The following TBC1D31 variants were observed in gnomAD, a reference collection of about 807,000 sequenced individuals.
TBC1D31 encodes the protein WD repeat domain 67.
A neutral mutation model predicts 132.9 loss-of-function variants in TBC1D31; 99 were observed. The observed-to-expected ratio is 0.74, with a 90% CI of 0.63 to 0.88. The LOEUF is 0.88. TBC1D31 is among the 40% of genes least tolerant of loss of function. The probability of loss-of-function intolerance (pLI) is 0.00; values close to 1 mark genes in which losing one functional copy is unlikely to be tolerated. For synonymous variants in TBC1D31, 385 were observed against 419.4 expected (o/e 0.92, Z 1.00); for missense variants, 1,134 against 1,256.6 (o/e 0.90, Z 1.48).
Position 123,100,993 on chromosome 8 carries a change from CAA to C in TBC1D31, c.1019_1020del (p.Gln340ArgfsTer4). On this transcript the variant is annotated frameshift_variant, in exon 7 of 22. Transcript: ENST00000287380. LOFTEE classifies it high-confidence loss of function. ...LNIYSVQALT[Q>X]EINKPPPPLV... ...CATATATTCAGTTCAGGCTTTAACA[CAA>C]GAAATAAATAAGGTATGTATGATGA... 1 of 1,610,656 alleles carries C rather than the reference CAA, an allele frequency of 6.2e-7. No homozygotes were observed. The highest frequency in any genetic ancestry group is 8.5e-7 in the Non-Finnish European group (1 of 1,177,018).
At chr8:123,079,829 C>T (rs1814950958) in intron 2 of TBC1D31, among the ~76,000 whole-genome samples, 2 of 152,210 alleles carry the variant, frequency 1.3e-5, no homozygotes, top group South Asian at 4.1e-4. Context: ...ATTGTAAGTT[C>T]AGCCCCCATT....
chr8:123,115,297 A>G (rs903523945), intron 10 of TBC1D31, among the ~76,000 whole-genome samples: 1 of 152,246 alleles, frequency 6.6e-6, no homozygotes, highest in African/African-American at 2.4e-5. Flanking sequence ...TGAAAGTACT[A>G]TCCTTAGGAG....
intron 11 of TBC1D31, among the ~76,000 whole-genome samples, chr8:123,121,258 A>G (rs917366063): frequency 6.6e-6 from 1 of 152,128 alleles, no homozygotes; most frequent in Non-Finnish European, 1.5e-5. Flanking sequence ...GGCACCCGAC[A>G]TTTTATCTAT....
At chr8:123,099,940 G>A (rs187797325) in intron 6 of TBC1D31, among the ~76,000 whole-genome samples, 8 of 152,078 alleles carry the variant, frequency 5.3e-5, no homozygotes, top group South Asian at 2.1e-4. Flanking sequence ...AGAGGGAGCC[G>A]AACTCATCCT....
chr8:123,090,390 C>A (rs952493416), intron 4 of TBC1D31, among the ~76,000 whole-genome samples: 12 of 152,014 alleles, frequency 7.9e-5, no homozygotes, highest in African/African-American at 2.7e-4. Context: ...CATTTTTATT[C>A]TTTTGTTGAT....
At chr8:123,126,483 A>G (rs183854434) in intron 12 of TBC1D31, 25 bp from the exon 13 acceptor site, 1 of 1,593,806 alleles carries the variant, frequency 6.3e-7, no homozygotes, top group Non-Finnish European at 8.5e-7. Context: ...TAGAAAAATA[A>G]TAAATTTTTC....
At chr8:123,080,037 A>G (rs1586549149) in intron 2 of TBC1D31, among the ~76,000 whole-genome samples, 1 of 152,200 alleles carries the variant, frequency 6.6e-6, no homozygotes, top group Admixed American at 6.5e-5. Context: ...TAGATTCTCA[A>G]CTGGACCCTT....
intron 13 of TBC1D31, among the ~76,000 whole-genome samples, chr8:123,127,428 G>A (rs1383819711): frequency 6.6e-6 from 1 of 151,496 alleles, no homozygotes; most frequent in East Asian, 1.9e-4. Context: ...CCGCCACCAC[G>A]CCCAGCTAAG....
intron 4 of TBC1D31, among the ~76,000 whole-genome samples, chr8:123,093,312 T>C (rs1334527993): frequency 6.6e-6 from 1 of 152,168 alleles, no homozygotes; most frequent in Non-Finnish European, 1.5e-5. Flanking sequence ...ATTTAACTCT[T>C]TAGTAATATT....
downstream of TBC1D31, among the ~76,000 whole-genome samples, chr8:123,154,267 T>C (rs1047480978): frequency 2.6e-5 from 4 of 152,334 alleles, no homozygotes; most frequent in East Asian, 7.7e-4. Flanking sequence ...GAAAGTTTAA[T>C]GTAAAGACTA....
At chr8:123,139,511 A>G (rs570325095) in intron 17 of TBC1D31, among the ~76,000 whole-genome samples, 1 of 152,276 alleles carries the variant, frequency 6.6e-6, no homozygotes, top group Non-Finnish European at 1.5e-5. Flanking sequence ...TGAACCAGTA[A>G]GCTTCTAGTA....
Position 123,077,249 on chromosome 8 carries a change from T to C in TBC1D31, c.216T>C (p.His72=), listed in dbSNP as rs148678046. 1 of 1,611,318 alleles carries C rather than the reference T, an allele frequency of 6.2e-7. No individual in the cohort carries two copies. The highest frequency in any genetic ancestry group is 8.5e-7 in the Non-Finnish European group (1 of 1,179,222). ...GAAATATTTATGTTTTTGACTTACA[T>C]GGAAACAGGTAAGCAGATACCATTG... ...HQGNIYVFDL[H]GNRFNLVQRT... The change falls in exon 2 of 22, where the codon CAT becomes CAC. Residue 72 remains histidine, a synonymous_variant. Transcript: ENST00000287380.
chr8:123,129,072 A>T lies in TBC1D31; in HGVS notation c.2124A>T (p.Thr708=). The T allele has an allele frequency of 6.3e-7, 1 of 1,583,550 alleles. No homozygotes were observed. The highest frequency in any genetic ancestry group is 8.6e-7 in the Non-Finnish European group (1 of 1,161,626). The stretch of plus-strand genomic sequence containing the variant: ...ATAATATTACCTACTTAAGGCAGAC[A>T]GTTGAAGATATGCAAGCTAAAGTCG... ...DELDYLRERQ[T]VEDMQAKVDQ... is the part of the protein sequence containing the mutation. The change falls in exon 15 of 22, where the codon ACA becomes ACT. Residue 708 remains threonine (T), a synonymous_variant. Coordinates refer to ENST00000287380, the MANE Select transcript of TBC1D31 (RefSeq NM_145647.4).
Position 123,134,179 on chromosome 8 carries a change from C to G in TBC1D31, c.2472C>G (p.Leu824=), listed in dbSNP as rs188711733. Reference sequence around the variant, plus strand: ...ACCTAGAAATGAGACAGCTGGAACTCGAATCACAAAAGAGACTTTATGAGA... The same window carrying G: ...ACCTAGAAATGAGACAGCTGGAACTGGAATCACAAAAGAGACTTTATGAGA... ...ARDLEMRQLE[L]ESQKRLYEKN... Residue 824 remains leucine, a synonymous_variant, in exon 17 of 22, where the codon CTC becomes CTG. Transcript: ENST00000287380. The G allele has an allele frequency of 4.3e-6, 7 of 1,613,676 alleles. No individual in the cohort carries two copies. The highest frequency in any genetic ancestry group is 5.9e-6 in the Non-Finnish European group (7 of 1,179,852).
Position 123,134,119 on chromosome 8 carries a change from T to C in TBC1D31, c.2412T>C (p.Tyr804=), listed in dbSNP as rs1820868263. The C allele has an allele frequency of 2.5e-6, 4 of 1,613,246 alleles. No individual in the cohort carries two copies. The East Asian group carries it at 6.7e-5, about 27-fold the overall frequency. The part of the protein sequence containing the change: ...RLDDEIGRKV[Y]MRDREIAATA... ...AGTTTGTTGTTTGGCCATAGGTATA[T>C]ATGAGAGATCGAGAAATTGCTGCCA... Residue 804 remains tyrosine (Y), a synonymous_variant, in exon 17 of 22, where the codon TAT becomes TAC. Transcript: ENST00000287380.
chr8:123,078,984 G>A (rs1814841585), intron 2 of TBC1D31, among the ~76,000 whole-genome samples: 1 of 152,150 alleles, frequency 6.6e-6, no homozygotes, highest in Admixed American at 6.6e-5. Context: ...CACCTGATAG[G>A]ATGCAGTGAA....
intron 4 of TBC1D31, among the ~76,000 whole-genome samples, chr8:123,091,427 T>C (rs1201195554): frequency 6.6e-6 from 1 of 152,204 alleles, no homozygotes; most frequent in Non-Finnish European, 1.5e-5. Context: ...TTTGAAACAG[T>C]GTTCTAATGC....
chr8:123,125,249 C>T (rs1819921265), intron 11 of TBC1D31, among the ~76,000 whole-genome samples: 4 of 151,952 alleles, frequency 2.6e-5, no homozygotes, highest in Admixed American at 1.3e-4. Flanking sequence ...CAAAACAAAC[C>T]GATGGTCTTA....
intron 10 of TBC1D31, among the ~76,000 whole-genome samples, chr8:123,110,456 C>A (rs1016275242): frequency 6.6e-6 from 1 of 152,114 alleles, no homozygotes; most frequent in Non-Finnish European, 1.5e-5. Context: ...CAAGTCACAG[C>A]AGTGATAGAG....
Sources: allele counts gnomAD v4.1 joint callset (sites outside exome capture counted in the v4.1 genomes callset), GRCh38; gene constraint gnomAD v4.1.1; transcripts MANE v1.5; gene names NCBI Gene and HGNC (gene_info 2026-07-23, HGNC 2026-07-21).